NBAS: variants seen among roughly 807,000 people sequenced by gnomAD.
NBAS encodes the protein NAG/BC035112 fusion.
A neutral mutation model predicts 302.5 loss-of-function variants in NBAS; 219 were observed. The ratio of observed to expected loss-of-function variants is 0.72; its 90% CI spans 0.65 to 0.81. The LOEUF is 0.81. NBAS is among the 30% of genes least tolerant of loss of function. The pLI, the probability that NBAS is intolerant of heterozygous loss-of-function variation, is 0.00. For missense variants in NBAS, 2,932 were observed against 2,841.6 expected (o/e 1.03, Z -0.72); for synonymous variants, 1,118 against 1,021.6 (o/e 1.09, Z -1.80).
chr2:15,142,521 A>T, the NBAS span, among the ~76,000 whole-genome samples: 31 of 152,362 alleles, frequency 2.0e-4, no homozygotes, highest in African/African-American at 7.2e-4. Flanking sequence ...CTGACAGGCA[A>T]ATATTTGAGG....
At chr2:15,144,793 G>A in the NBAS span, among the ~76,000 whole-genome samples, 1 of 152,234 alleles carries the variant, frequency 6.6e-6, no homozygotes, top group African/African-American at 2.4e-5. Flanking sequence ...ACAGGTGGTT[G>A]CGTTGGTTTA....
At chr2:14,883,256 G>A in the NBAS span, among the ~76,000 whole-genome samples, 3 of 152,086 alleles carry the variant, frequency 2.0e-5, no homozygotes, top group East Asian at 1.9e-4. Flanking sequence ...TATTTTCTCC[G>A]AAAAGCATCT....
At chr2:15,429,415 A>G (rs1432601074) in intron 21 of NBAS, among the ~76,000 whole-genome samples, 2 of 152,230 alleles carry the variant, frequency 1.3e-5, no homozygotes, top group Non-Finnish European at 2.9e-5. Context: ...AAAGGATTGT[A>G]CTTTCTTATA....
chr2:15,552,170 T>C (rs956378355), intron 5 of NBAS, among the ~76,000 whole-genome samples: 5 of 152,204 alleles, frequency 3.3e-5, no homozygotes, highest in Non-Finnish European at 7.4e-5. Context: ...AACAATTCTA[T>C]TTCTATAAAG....
At chr2:15,355,226 G>A (rs1673555647) in intron 33 of NBAS, among the ~76,000 whole-genome samples, 1 of 152,068 alleles carries the variant, frequency 6.6e-6, no homozygotes, top group African/African-American at 2.4e-5. Context: ...TTTGATAGTG[G>A]GTAGAAAGAT....
Position 15,359,109 on chromosome 2 carries a change from T to C in NBAS, c.3818-2693A>G, listed in dbSNP as rs578133391. ...TCAAAAAGCCCAACAGAACCTTCTA[T>C]ACTTTCCCACTGAAGCCCTAGCCCC... On this transcript the variant is annotated intron_variant, in intron 32 of 51. Coordinates refer to ENST00000281513, the MANE Select transcript of NBAS (RefSeq NM_015909.4). Among the ~76,000 whole-genome samples the C allele has an allele frequency of 1.2e-4, 19 of 152,322 alleles. No homozygotes were observed. The South Asian group carries it at 3.3e-3, about 27-fold the overall frequency.
In NBAS at chr2:15,461,220, C is replaced by T. The variant is rs779185122; in HGVS notation, c.2320G>A (p.Val774Ile). 6.2e-6 allele frequency: 10 copies of T among 1,613,598 alleles called. No individual in the cohort carries two copies. The South Asian group carries it at 9.9e-5, about 16-fold the overall frequency. Residue 774 changes from valine (V) to isoleucine (I), a missense_variant, in exon 21 of 52, where the codon GTT (valine) becomes ATT (isoleucine). Physicochemically the swap from Val to Ile is conservative, Grantham distance 29 (BLOSUM62 3). Coordinates refer to ENST00000281513, the MANE Select transcript of NBAS (RefSeq NM_015909.4). Reference protein sequence around the residue: ...PETTSPHEYSVLLPEACFNGD... With the variant: ...PETTSPHEYSILLPEACFNGD... ...ACATACCAAGCTTCGGGCAGCAAAA[C>T]AGAATATTCATGTGGAGAAGTGGTC...
intron 41 of NBAS, among the ~76,000 whole-genome samples, chr2:15,289,285 A>C (rs1670196689): frequency 1.3e-5 from 2 of 152,086 alleles, no homozygotes; most frequent in African/African-American, 4.8e-5. Flanking sequence ...TTTTTTTGGT[A>C]GAGACAAGGT....
the NBAS span, among the ~76,000 whole-genome samples, chr2:15,064,302 CAAAAAAA>C: frequency 4.0e-4 from 53 of 131,332 alleles, no homozygotes; most frequent in Admixed American, 5.8e-4. Context: ...AGAAAAGACT[CAAAAAAA>C]AAAAAAAAAA....
chr2:14,818,597 A>G, the NBAS span, among the ~76,000 whole-genome samples: 1 of 152,164 alleles, frequency 6.6e-6, no homozygotes, highest in Admixed American at 6.5e-5. Flanking sequence ...ACTGAGCATA[A>G]AATCTTTACA....
At chr2:15,502,321 A>G (rs971524360) in intron 11 of NBAS, among the ~76,000 whole-genome samples, 11 of 152,252 alleles carry the variant, frequency 7.2e-5, no homozygotes, top group Non-Finnish European at 1.0e-4. Flanking sequence ...GATAAGCCCT[A>G]TGAGCTCTTT....
At chr2:15,275,416 C>T (rs1558494892) in intron 44 of NBAS, 68 bp downstream of exon 44, 1 of 1,452,112 alleles carries the variant, frequency 6.9e-7, no homozygotes, top group Non-Finnish European at 9.4e-7. Context: ...ATAAAATCTA[C>T]AGAATGTAGG....
chr2:15,091,936 C>G, the NBAS span, among the ~76,000 whole-genome samples: 3 of 152,170 alleles, frequency 2.0e-5, no homozygotes, highest in Non-Finnish European at 4.4e-5. Flanking sequence ...TAAAAGACTG[C>G]TTATGTTATC....
chr2:15,019,075 A>G, the NBAS span, among the ~76,000 whole-genome samples: 1 of 152,206 alleles, frequency 6.6e-6, no homozygotes. Flanking sequence ...TGAAATGGTA[A>G]TGATTTCATT....
At chr2:15,010,936 C>A in the NBAS span, among the ~76,000 whole-genome samples, 1 of 152,302 alleles carries the variant, frequency 6.6e-6, no homozygotes. Flanking sequence ...ATATTAAAAT[C>A]TAATAAATAA....
intron 13 of NBAS, among the ~76,000 whole-genome samples, chr2:15,477,630 G>A (rs1453570628): frequency 6.6e-6 from 1 of 151,956 alleles, no homozygotes; most frequent in Non-Finnish European, 1.5e-5. Flanking sequence ...AATTCATCAC[G>A]GATTTAACTT....
At chr2:15,353,492 T>C (rs1055643670) in intron 34 of NBAS, 61 bp downstream of exon 34, 3 of 1,595,690 alleles carry the variant, frequency 1.9e-6, no homozygotes, top group Non-Finnish European at 8.6e-7. Flanking sequence ...ATACCTCAGA[T>C]ACACACACCC....
intron 38 of NBAS, among the ~76,000 whole-genome samples, chr2:15,311,087 T>C (rs1671253463): frequency 6.6e-6 from 1 of 152,236 alleles, no homozygotes; most frequent in African/African-American, 2.4e-5. Context: ...TTTTGGACTT[T>C]AGGAGGTTGT....
chr2:14,887,399 CAA>C, the NBAS span, among the ~76,000 whole-genome samples: 9 of 84,608 alleles, frequency 1.1e-4, no homozygotes, highest in East Asian at 9.6e-4. Context: ...TGAGACTCCT[CAA>C]AAAAAAAAAA....
Sources: gnomAD v4.1 joint callset for allele counts (sites outside exome capture counted in the v4.1 genomes callset) on GRCh38, gnomAD v4.1.1 for gene constraint, MANE v1.5 for transcripts, NCBI Gene and HGNC (gene_info 2026-07-23, HGNC 2026-07-21) for gene names.